UGT3A1: variants seen among roughly 807,000 people sequenced by gnomAD.
UGT3A1 encodes the protein UDP-glycosyltransferase 3A1.
UGT3A1 carries 40 observed loss-of-function variants against 37.6 expected under a neutral mutation model. That is an observed-to-expected ratio of 1.06 (90% CI 0.83 to 1.38). The LOEUF is 1.38. UGT3A1 is among the 40% of genes most tolerant of loss of function. The probability of loss-of-function intolerance (pLI) is 0.00; values close to 1 mark genes in which losing one functional copy is unlikely to be tolerated. For synonymous variants in UGT3A1, 256 were observed against 232.3 expected, an observed-to-expected ratio of 1.10 and a Z score of -0.93; for missense variants, 642 against 634.2, an observed-to-expected ratio of 1.01 and a Z score of -0.13.
upstream of UGT3A1, among the ~76,000 whole-genome samples, chr5:35,994,759 A>C (rs529729434): frequency 2.6e-5 from 4 of 152,342 alleles, no homozygotes; most frequent in South Asian, 8.3e-4. Flanking sequence ...TCCAACACAC[A>C]TCCCAACTTG....
intron 4 of UGT3A1, among the ~76,000 whole-genome samples, chr5:35,958,538 C>T (rs1739447965): frequency 6.8e-6 from 1 of 148,006 alleles, no homozygotes; most frequent in African/African-American, 2.5e-5. Flanking sequence ...TCAAAAGAAG[C>T]AGAGCAATAA....
Position 35,965,608 on chromosome 5 carries a change from G to A in UGT3A1, c.621C>T (p.Phe207=). The A allele has an allele frequency of 3.1e-6, 5 of 1,614,162 alleles. No individual in the cohort carries two copies. The highest frequency in any genetic ancestry group is 4.2e-6 in the Non-Finnish European group (5 of 1,180,034). Residue 207 remains phenylalanine (F), a synonymous_variant, in exon 4 of 7, where the codon TTC becomes TTT. Transcript: ENST00000274278. ...CCCATTGGCTCCTGGAGAAACTAAA[G>A]AACATCAGAAAATTCTTCACTCGGC... ...FWGRVKNFLM[F]FSFSRSQWDM... is the part of the protein sequence containing the mutation.
intron 3 of UGT3A1, among the ~76,000 whole-genome samples, chr5:35,967,741 C>G (rs373734838): frequency 1.3e-5 from 2 of 152,142 alleles, no homozygotes; most frequent in Non-Finnish European, 2.9e-5. Flanking sequence ...AGAACCCTTA[C>G]GGTAGAAGAA....
Position 35,955,852 on chromosome 5 carries a change from A to G in UGT3A1, c.1088T>C (p.Ile363Thr). The G allele has an allele frequency of 1.2e-6, 2 of 1,614,152 alleles. No homozygotes were observed. The highest frequency in any genetic ancestry group is 1.7e-6 in the Non-Finnish European group (2 of 1,179,976). Residue 363 changes from isoleucine to threonine, a missense_variant, in exon 6 of 7, where the codon ATC becomes ACC. By Grantham distance (89) the Ile-to-Thr change is moderately conservative. Transcript: ENST00000274278. ...CCCACCATGAGTGACAAAAAGACGG[A>G]TGCTGGGGTGAGCTGTGGCAAATAA... The part of the protein sequence containing the change: ...PQSDLLAHPS[I>T]RLFVTHGGQN...
chr5:35,982,539 G>C (rs73076168), intron 2 of UGT3A1, among the ~76,000 whole-genome samples: 1 of 152,158 alleles, frequency 6.6e-6, no homozygotes, highest in Non-Finnish European at 1.5e-5. Flanking sequence ...ATTTGGAATG[G>C]GAATATTTAC....
intron 2 of UGT3A1, among the ~76,000 whole-genome samples, chr5:35,972,013 C>T (rs1740061853): frequency 6.6e-6 from 1 of 152,116 alleles, no homozygotes; most frequent in Non-Finnish European, 1.5e-5. Flanking sequence ...CCACATAGCA[C>T]TCAGATCCCA....
At chr5:35,965,953 A>G (rs1189839801) in intron 3 of UGT3A1, 36 bp from the exon 4 acceptor site, 9 of 1,433,450 alleles carry the variant, frequency 6.3e-6, no homozygotes, top group Non-Finnish European at 8.3e-6. Context: ...ATATTTGGGA[A>G]AGTGTAATTT....
rs759272010 is a variant in UGT3A1 at position 35,954,296 on chromosome 5, A to G, written c.1478T>C (p.Leu493Pro). ...CCACATAGTGCCCAGAGTGAGCCCC[A>G]GCAGAAACACAAAGACATCAATGAG... ...QYLIDVFVFL[L>P]GLTLGTMWLC... Residue 493 changes from leucine (L) to proline (P), a missense_variant, in exon 7 of 7, where the codon CTG becomes CCG. By Grantham distance (98) the Leu-to-Pro change is moderately conservative. Coordinates refer to ENST00000274278, the MANE Select transcript of UGT3A1 (RefSeq NM_152404.4). 1 of 1,614,206 alleles carries G rather than the reference A, an allele frequency of 6.2e-7. No homozygotes were observed. The highest frequency in any genetic ancestry group is 8.5e-7 in the Non-Finnish European group (1 of 1,180,028).
At chr5:35,983,644 C>T (rs1740618213) in intron 2 of UGT3A1, among the ~76,000 whole-genome samples, 1 of 151,920 alleles carries the variant, frequency 6.6e-6, no homozygotes, top group Admixed American at 6.6e-5. Context: ...ATGCAAAAAT[C>T]CTCAACAAAA....
At position 35,953,952 on chromosome 5, in the gene UGT3A1, G is replaced by A; in HGVS notation, c.*250C>T. ...AGAGTCCTGTGTCTAGGAAAAGGGA[G>A]AAAGGAGGAGGCAGGGCTGGCAGGT... On this transcript the variant is annotated 3_prime_UTR_variant, in exon 7 of 7. Transcript: ENST00000274278. 1 of 462,468 alleles carries A rather than the reference G, an allele frequency of 2.2e-6. No individual in the cohort carries two copies. The highest frequency in any genetic ancestry group is 3.5e-5 in the South Asian group (1 of 28,530). 28.6% of individuals were successfully genotyped at this position (462,468 alleles called of 1,614,324 possible).
At chr5:35,964,605 G>A (rs1445195870) in intron 4 of UGT3A1, among the ~76,000 whole-genome samples, 2 of 152,226 alleles carry the variant, frequency 1.3e-5, no homozygotes, top group East Asian at 3.9e-4. Context: ...ACACAGTGGT[G>A]GGAAGGTCAC....
In UGT3A1 at chr5:36,000,317, C is replaced by T. The variant is rs1741191394; in HGVS notation, c.-160+651G>A. On this transcript the variant is annotated intron_variant, in intron 1 of 5. Transcript: ENST00000625798. ...ATTGTGAGGGACTCATTTATCATCTCTTCAAAAAGCCAAGATTTAGTAAAG... is the reference window on the plus strand; with the variant it reads ...ATTGTGAGGGACTCATTTATCATCTTTTCAAAAAGCCAAGATTTAGTAAAG... Among the ~76,000 whole-genome samples the T allele has an allele frequency of 2.0e-5, 3 of 152,204 alleles. No individual in the cohort carries two copies. In the South Asian group the frequency reaches 6.2e-4, roughly 31 times the overall value.
In UGT3A1 at chr5:35,988,684, G is replaced by A. The variant is rs77615497; in HGVS notation, c.95-133C>T. 1,911 of 652,144 alleles carry A rather than the reference G, an allele frequency of 2.9e-3. 29 individuals are homozygous for A. In the African/African-American group the frequency reaches 0.032, roughly 11 times the overall value. 40.4% of individuals were successfully genotyped at this position (652,144 alleles called of 1,614,324 possible). A position where few individuals can be genotyped will look rare whatever the true frequency, so the allele number is the denominator to read the frequency against. On this transcript the variant is annotated intron_variant, in intron 1 of 6. Transcript: ENST00000274278. ...GAGGAAATGTGAACAGTGAGAAGAT[G>A]GAGATAAGCGCTTCCTGTTCCTCAA...
chr5:35,998,137 T>C (rs1224141821), intron 1 of UGT3A1, among the ~76,000 whole-genome samples: 1 of 152,212 alleles, frequency 6.6e-6, no homozygotes, highest in Admixed American at 6.5e-5. Flanking sequence ...GACAATCAGC[T>C]GTACAACAAA....
chr5:35,982,346 T>C (rs1740559105), intron 2 of UGT3A1, among the ~76,000 whole-genome samples: 1 of 152,214 alleles, frequency 6.6e-6, no homozygotes, highest in Admixed American at 6.5e-5. Flanking sequence ...GGCTATACCT[T>C]GCAGAGCCAC....
intron 1 of UGT3A1, among the ~76,000 whole-genome samples, chr5:35,989,704 C>T (rs13358334): frequency 0.13 from 19,501 of 152,178 alleles, 1,820 homozygotes; most frequent in East Asian, 0.38. Context: ...CATCTGGATT[C>T]AGAAACGACA....
chr5:35,955,892 C>T, intron 5 of UGT3A1, 28 bp from the exon 6 acceptor site: 1 of 1,609,418 alleles, frequency 6.2e-7, no homozygotes, highest in Non-Finnish European at 8.5e-7. Flanking sequence ...GAGAGTGGAA[C>T]ACTTCAGGAT....
Position 35,954,004 on chromosome 5 carries a change from C to T in UGT3A1, c.*198G>A. Reference sequence around the variant, plus strand: ...AAAATTTGTATCTGAGCTGGGGTTTCAAGTCACAAGGGGCAAGTCAAGAAG... The same window carrying T: ...AAAATTTGTATCTGAGCTGGGGTTTTAAGTCACAAGGGGCAAGTCAAGAAG... On this transcript the variant is annotated 3_prime_UTR_variant, in exon 7 of 7. Transcript: ENST00000274278. The T allele has an allele frequency of 1.7e-6, 1 of 595,528 alleles. No homozygotes were observed. Among genetic ancestry groups the T allele is most frequent in the Non-Finnish European group, 2.9e-6 (1 of 348,666 alleles). 36.9% of individuals were successfully genotyped at this position (595,528 alleles called of 1,614,324 possible).
upstream of UGT3A1, among the ~76,000 whole-genome samples, chr5:35,992,069 T>G (rs1170478306): frequency 6.6e-6 from 1 of 152,192 alleles, no homozygotes; most frequent in African/African-American, 2.4e-5. Flanking sequence ...ACCTTTGTAC[T>G]CTCTATCCTC....
Sources: gnomAD v4.1 joint callset for allele counts (sites outside exome capture counted in the v4.1 genomes callset) on GRCh38, gnomAD v4.1.1 for gene constraint, MANE v1.5 for transcripts, NCBI Gene and HGNC (gene_info 2026-07-23, HGNC 2026-07-21) for gene names.